Variants in BCL11B observed in about 807,000 individuals in gnomAD.
The protein encoded by BCL11B is BCL11 transcription factor B.
In BCL11B, 8 loss-of-function variants were observed where a neutral mutation model predicts 49.9. The observed-to-expected ratio is 0.16, with a 90% CI of 0.09 to 0.29. The LOEUF is 0.29. BCL11B is among the 10% of genes least tolerant of loss of function. The pLI, the probability that BCL11B is intolerant of heterozygous loss-of-function variation, is 1.00. For synonymous variants in BCL11B, 739 were observed against 637.4 expected (o/e 1.16, Z -2.40); for missense variants, 1,006 against 1,351.0 (o/e 0.74, Z 4.00).
At chr14:99,258,891 T>TG (rs1889255317) in intron 1 of BCL11B, among the ~76,000 whole-genome samples, 1 of 111,714 alleles carries the variant, frequency 9.0e-6, no homozygotes, top group African/African-American at 2.9e-5. Flanking sequence ...AGATTTCTCT[T>TG]GGGTTTTTTT....
In BCL11B at chr14:99,174,304, C is replaced by T. The variant is rs1159908222; in HGVS notation, c.2532G>A (p.Lys844=). 2 of 1,613,562 alleles carry T rather than the reference C, an allele frequency of 1.2e-6. No individual in the cohort carries two copies. Among genetic ancestry groups the T allele is most frequent in the South Asian group, 1.1e-5 (1 of 91,088 alleles). ...AQSSKLTRHM[K]THGQIGKEVY... is the part of the protein sequence containing the mutation. ...CCTCCTTGCCGATCTGCCCGTGCGT[C>T]TTCATGTGGCGCGTGAGCTTGCTGC... Residue 844 remains lysine, a synonymous_variant, in exon 4 of 4, where the codon AAG becomes AAA. Transcript: ENST00000357195.
chr14:99,241,487 A>G lies in BCL11B; in HGVS notation c.428-9930T>C, dbSNP rs545596879. Among the ~76,000 whole-genome samples, 179 of 152,140 alleles carry G rather than the reference A, an allele frequency of 1.2e-3. No homozygotes were observed. The highest frequency in any genetic ancestry group is 4.2e-3 in the African/African-American group (175 of 41,480). On this transcript the variant is annotated intron_variant, in intron 2 of 3. Coordinates refer to ENST00000357195, the MANE Select transcript of BCL11B (RefSeq NM_138576.4). This position sits in a 1 kb window ranked among gnomAD's most constrained non-coding sequence, Gnocchi z 4.4. ...ACCCAAAAGAAAAAGAAAAAAAAAA[A>G]TCTTCGCACCACATCACCAAAATGG...
At chr14:99,212,809 C>A (rs538015326) in intron 3 of BCL11B, among the ~76,000 whole-genome samples, 1 of 152,326 alleles carries the variant, frequency 6.6e-6, no homozygotes, top group African/African-American at 2.4e-5. Flanking sequence ...CTGCAGAGGG[C>A]TGATCCCAGG....
chr14:99,214,901 AC>A (rs1406884424), intron 3 of BCL11B, among the ~76,000 whole-genome samples: 1 of 152,116 alleles, frequency 6.6e-6, no homozygotes, highest in East Asian at 1.9e-4. Flanking sequence ...GCACCCAGGT[AC>A]AGCCATCTCC....
At chr14:99,211,572 ACACATG>A (rs1887690261) in intron 3 of BCL11B, among the ~76,000 whole-genome samples, 1 of 152,228 alleles carries the variant, frequency 6.6e-6, no homozygotes, top group Non-Finnish European at 1.5e-5. Flanking sequence ...ACATGCATGT[ACACATG>A]CACATGCATT....
At chr14:99,252,584 C>G (rs1595076085) in intron 2 of BCL11B, among the ~76,000 whole-genome samples, 1 of 152,158 alleles carries the variant, frequency 6.6e-6, no homozygotes, top group Admixed American at 6.5e-5. Context: ...CAGGTAGATC[C>G]CGCGTCCTCC....
chr14:99,249,703 A>C (rs930672315), intron 2 of BCL11B, among the ~76,000 whole-genome samples: 1 of 152,076 alleles, frequency 6.6e-6, no homozygotes, highest in African/African-American at 2.4e-5. Context: ...TCTGGGCTTC[A>C]GTTTCCTCTT....
At chr14:99,200,108 C>CT (rs200318406) in intron 3 of BCL11B, among the ~76,000 whole-genome samples, 153 of 146,580 alleles carry the variant, frequency 1.0e-3, no homozygotes, top group Non-Finnish European at 1.2e-3. Flanking sequence ...GGACTCTCGT[C>CT]TTTTTTTTTT....
Position 99,170,843 on chromosome 14 carries a change from C to T in BCL11B, c.*3308G>A, listed in dbSNP as rs1048338997. ...CAACAGCAGGTCACTTCACCTGGAC[C>T]CAGCTGAATCACCAGCTCCTTTTAT... is the stretch of plus-strand genomic sequence containing the variant. On this transcript the variant is annotated 3_prime_UTR_variant, in exon 4 of 4. Transcript: ENST00000357195. 1 of 232,674 alleles carries T rather than the reference C, an allele frequency of 4.3e-6. No individual in the cohort carries two copies. Among genetic ancestry groups the T allele is most frequent in the Non-Finnish European group, 8.5e-6 (1 of 117,728 alleles). The allele number at this position is 232,674 out of a possible 1,614,324, so 14.4% of individuals were successfully genotyped here.
chr14:99,233,519 T>C, intron 2 of BCL11B, among the ~76,000 whole-genome samples: 1 of 152,152 alleles, frequency 6.6e-6, no homozygotes, highest in East Asian at 1.9e-4. Flanking sequence ...AGGCTCTGGT[T>C]CCTGGGTTCT....
At chr14:99,263,794 A>C (rs1454723699) in intron 1 of BCL11B, among the ~76,000 whole-genome samples, 1 of 152,204 alleles carries the variant, frequency 6.6e-6, no homozygotes, top group Non-Finnish European at 1.5e-5. Flanking sequence ...ACCTCTCCAG[A>C]ACCCCAAAAA....
At chr14:99,216,863 GCATA>G (rs1205928640) in intron 3 of BCL11B, among the ~76,000 whole-genome samples, 2 of 151,188 alleles carry the variant, frequency 1.3e-5, no homozygotes, top group Non-Finnish European at 1.5e-5. Context: ...ACACACACAC[GCATA>G]CATACACATA....
At chr14:99,234,251 A>G (rs1595270685) in intron 2 of BCL11B, among the ~76,000 whole-genome samples, 3 of 152,128 alleles carry the variant, frequency 2.0e-5, no homozygotes, top group Non-Finnish European at 4.4e-5. Context: ...GCTGCACGAC[A>G]TTGTGAATAG....
Position 99,205,788 on chromosome 14 carries a change from G to A in BCL11B, c.640+25557C>T, listed in dbSNP as rs937139430. ...AATAACAGCACACATACCAGTTCCC[G>A]GGAGCAGTATGGTTCTTGACCACGG... On this transcript the variant is annotated intron_variant, in intron 3 of 3. Transcript: ENST00000357195. This position sits in a 1 kb window ranked among gnomAD's most constrained non-coding sequence, Gnocchi z 5.0. 2.0e-5 allele frequency among the ~76,000 whole-genome samples: 3 copies of A among 152,184 alleles called. No individual in the cohort carries two copies. Among genetic ancestry groups the A allele is most frequent in the African/African-American group, 2.4e-5 (1 of 41,440 alleles).
chr14:99,192,391 G>A lies in BCL11B; in HGVS notation c.641-16196C>T, dbSNP rs1427171160. ...AACAGAGCAGGGCTTTCGGGGCCCCGCTCGCCACAATAGGGACTGTAAACT... is the reference window on the plus strand; with the variant it reads ...AACAGAGCAGGGCTTTCGGGGCCCCACTCGCCACAATAGGGACTGTAAACT... On this transcript the variant is annotated intron_variant, in intron 3 of 3. Coordinates refer to ENST00000357195, the MANE Select transcript of BCL11B (RefSeq NM_138576.4). The surrounding 1 kb of genome is among the most constrained non-coding windows in gnomAD (Gnocchi z 4.0). 1.3e-5 allele frequency among the ~76,000 whole-genome samples: 2 copies of A among 152,138 alleles called. No homozygotes were observed. The highest frequency in any genetic ancestry group is 2.9e-5 in the Non-Finnish European group (2 of 68,008).
rs920292404 is a variant in BCL11B at position 99,256,742 on chromosome 14, G to A, written c.427+729C>T. ...GAGGGGCCCTAGACCTGTTCTCAAG[G>A]TGGTAAAACCAGCTGTCCCAGTGGT... is the stretch of plus-strand genomic sequence containing the variant. On this transcript the variant is annotated intron_variant, in intron 2 of 3. Coordinates refer to ENST00000357195, the MANE Select transcript of BCL11B (RefSeq NM_138576.4). 2.4e-4 allele frequency among the ~76,000 whole-genome samples: 36 copies of A among 152,178 alleles called. 1 individual carries two copies. Among genetic ancestry groups the A allele is most frequent in the African/African-American group, 8.0e-4 (33 of 41,442 alleles).
intron 3 of BCL11B, among the ~76,000 whole-genome samples, chr14:99,229,043 C>CATGGATGGATGGATGG (rs1181779397): frequency 3.9e-4 from 41 of 104,850 alleles, no homozygotes; most frequent in Admixed American, 1.0e-3. Context: ...TGGATGGATG[C>CATGGATGGATGGATGG]ATGGATGGAT....
chr14:99,174,294 GC>G lies in BCL11B; in HGVS notation c.2541del (p.Gln848ArgfsTer26). 6.2e-7 allele frequency: 1 copy of G among 1,613,564 alleles called. No individual in the cohort carries two copies. ...CAGCGGTACACCTCCTTGCCGATCTGCCCGTGCGTCTTCATGTGGCGCGTGA... is the reference window on the plus strand; with the variant it reads ...CAGCGGTACACCTCCTTGCCGATCTGCCGTGCGTCTTCATGTGGCGCGTGA... ...SKLTRHMKTH[G>X]QIGKEVYRCD... On this transcript the variant is annotated frameshift_variant, in exon 4 of 4. Coordinates refer to ENST00000357195, the MANE Select transcript of BCL11B (RefSeq NM_138576.4). LOFTEE classifies it high-confidence loss of function.
At position 99,232,314 on chromosome 14, in the gene BCL11B, C is replaced by A. The variant is rs1405001603; in HGVS notation, c.428-757G>T. On this transcript the variant is annotated intron_variant, in intron 2 of 3. Coordinates refer to ENST00000357195, the MANE Select transcript of BCL11B (RefSeq NM_138576.4). This position sits in a 1 kb window ranked among gnomAD's most constrained non-coding sequence, Gnocchi z 5.1. The stretch of plus-strand genomic sequence containing the variant: ...CAGGGCCGGCCCCGCCTCTGCCCAG[C>A]CCCACAGCTCGCTCAGCTCCACAGC... Among the ~76,000 whole-genome samples the A allele has an allele frequency of 6.6e-6, 1 of 152,248 alleles. No homozygotes were observed. Among genetic ancestry groups the A allele is most frequent in the East Asian group, 1.9e-4 (1 of 5,194 alleles).
Sources: allele counts gnomAD v4.1 joint callset (sites outside exome capture counted in the v4.1 genomes callset), GRCh38; gene constraint gnomAD v4.1.1; non-coding constraint Gnocchi (gnomAD v3.1); transcripts MANE v1.5; gene names NCBI Gene and HGNC (gene_info 2026-07-23, HGNC 2026-07-21).